UGCG: variants seen among roughly 807,000 people sequenced by gnomAD.
UGCG encodes the protein ceramide glucosyltransferase.
UGCG carries 10 observed loss-of-function variants against 49.5 expected under a neutral mutation model. The ratio of observed to expected loss-of-function variants is 0.20; its 90% CI spans 0.12 to 0.34. UGCG has a LOEUF of 0.34. Ranked by LOEUF, UGCG falls within the 10% of genes least tolerant of loss-of-function variation. The probability of loss-of-function intolerance (pLI) is 1.00; values close to 1 mark genes in which losing one functional copy is unlikely to be tolerated. For synonymous variants in UGCG, 182 were observed against 158.2 expected (o/e 1.15, Z -1.13); for missense variants, 312 against 483.7 (o/e 0.65, Z 3.33).
At chr9:111,900,991 G>A (rs2131712547) in intron 1 of UGCG, among the ~76,000 whole-genome samples, 1 of 152,006 alleles carries the variant, frequency 6.6e-6, no homozygotes, top group East Asian at 1.9e-4. Flanking sequence ...GACTACCGGT[G>A]CATGCCATCA....
chr9:111,934,358 T>A lies in UGCG; in HGVS notation c.*1361T>A, dbSNP rs1346464030. 6.6e-6 allele frequency: 1 copy of A among 151,498 alleles called. No homozygotes were observed. The highest frequency in any genetic ancestry group is 1.5e-5 in the Non-Finnish European group (1 of 67,886). 9.4% of individuals were successfully genotyped at this position (151,498 alleles called of 1,614,324 possible). A position where few individuals can be genotyped will look rare whatever the true frequency, so the allele number is the denominator to read the frequency against. ...CTTGATTCTGTTTTGTTTTGTTTTT[T>A]TAAAAAAAAAAAACAAAAATGTAAG... On this transcript the variant is annotated 3_prime_UTR_variant, in exon 9 of 9. Coordinates refer to ENST00000374279, the MANE Select transcript of UGCG (RefSeq NM_003358.3).
intron 1 of UGCG, among the ~76,000 whole-genome samples, chr9:111,911,432 T>C (rs1837992387): frequency 6.6e-6 from 1 of 152,110 alleles, no homozygotes; most frequent in African/African-American, 2.4e-5. Context: ...ATACCATAAA[T>C]GTGTGTATAT....
intron 5 of UGCG, among the ~76,000 whole-genome samples, chr9:111,927,620 T>A (rs1224696949): frequency 6.6e-6 from 1 of 152,036 alleles, no homozygotes; most frequent in African/African-American, 2.4e-5. Context: ...CCTGGCTAAT[T>A]TTTTGTATTT....
Position 111,929,674 on chromosome 9 carries a change from G to C in UGCG, c.733G>C (p.Asp245His). The change falls in exon 6 of 9, where the codon GAC becomes CAC. Residue 245 changes from aspartate to histidine, a missense_variant. Transcript: ENST00000374279. ...EDYFMAKAIA[D>H]RGWRFAMSTQ... ...TTACTTTATGGCCAAAGCGATAGCT[G>C]ACCGGTAAGACAACTAAATGAAGCC... 6.2e-7 allele frequency: 1 copy of C among 1,612,178 alleles called. No individual in the cohort carries two copies. The highest frequency in any genetic ancestry group is 8.5e-7 in the Non-Finnish European group (1 of 1,179,538).
intron 1 of UGCG, among the ~76,000 whole-genome samples, chr9:111,913,048 C>G (rs1838044987): frequency 2.0e-5 from 3 of 152,172 alleles, no homozygotes; most frequent in Admixed American, 2.0e-4. Flanking sequence ...AGAAGTCTTT[C>G]CCAGTTTAAT....
chr9:111,933,676 C>G lies in UGCG; in HGVS notation c.*679C>G, dbSNP rs529757766. On this transcript the variant is annotated 3_prime_UTR_variant, in exon 9 of 9. Transcript: ENST00000374279. Reference sequence around the variant, plus strand: ...ATTTTTTTGGTCTCACTGCAATGAACCAAAAGCGGCTGAGTTTGGTTTTTA... The same window carrying G: ...ATTTTTTTGGTCTCACTGCAATGAAGCAAAAGCGGCTGAGTTTGGTTTTTA... 6.6e-6 allele frequency: 1 copy of G among 152,246 alleles called. No individual in the cohort carries two copies. The highest frequency in any genetic ancestry group is 2.1e-4 in the South Asian group (1 of 4,826). 9.4% of individuals were successfully genotyped at this position (152,246 alleles called of 1,614,324 possible). A position where few individuals can be genotyped will look rare whatever the true frequency, so the allele number is the denominator to read the frequency against.
chr9:111,904,969 A>T (rs759892951), intron 1 of UGCG, among the ~76,000 whole-genome samples: 3 of 152,180 alleles, frequency 2.0e-5, no homozygotes, highest in Non-Finnish European at 2.9e-5. Flanking sequence ...CCACAGAAAA[A>T]TTTTAAAAAA....
rs75817131 is a variant in UGCG at position 111,908,686 on chromosome 9, G to A, written c.99-5919G>A. Among the ~76,000 whole-genome samples the A allele has an allele frequency of 2.0e-3, 302 of 152,340 alleles. 6 individuals carry two copies. The East Asian group carries it at 0.033, about 16-fold the overall frequency. Reference sequence around the variant, plus strand: ...CAGTATAGAACCTAGAAAGCAAGTCGTCTGCCCTAGGCTGAGGGTAGAAAT... The same window carrying A: ...CAGTATAGAACCTAGAAAGCAAGTCATCTGCCCTAGGCTGAGGGTAGAAAT... On this transcript the variant is annotated intron_variant, in intron 1 of 8. Coordinates refer to ENST00000374279, the MANE Select transcript of UGCG (RefSeq NM_003358.3).
intron 5 of UGCG, among the ~76,000 whole-genome samples, chr9:111,927,928 A>G (rs935791550): frequency 2.0e-5 from 3 of 151,964 alleles, no homozygotes; most frequent in Middle Eastern, 3.4e-3. Context: ...ATAGCTTTTC[A>G]TAAAAGTAAT....
In UGCG at chr9:111,933,292, T is replaced by C. The variant is rs1838459895; in HGVS notation, c.*295T>C. ...TTTTTTTAAAATAAATAAATAAATATATATATAGATGCTCTGCAACAAACT... is the reference window on the plus strand; with the variant it reads ...TTTTTTTAAAATAAATAAATAAATACATATATAGATGCTCTGCAACAAACT... On this transcript the variant is annotated 3_prime_UTR_variant, in exon 9 of 9. Coordinates refer to ENST00000374279, the MANE Select transcript of UGCG (RefSeq NM_003358.3). The C allele has an allele frequency of 6.4e-6, 1 of 155,874 alleles. No homozygotes were observed. The highest frequency in any genetic ancestry group is 2.1e-4 in the South Asian group (1 of 4,864). 9.7% of individuals were successfully genotyped at this position (155,874 alleles called of 1,614,324 possible).
intron 1 of UGCG, among the ~76,000 whole-genome samples, chr9:111,908,112 G>C (rs1056819151): frequency 1.3e-5 from 2 of 152,102 alleles, no homozygotes; most frequent in South Asian, 4.1e-4. Flanking sequence ...GTGGTGGGAA[G>C]AGTAGGGCTT....
Position 111,922,914 on chromosome 9 carries a change from T to TG in UGCG, c.308dup (p.Tyr105IlefsTer5). 1 of 1,613,214 alleles carries TG rather than the reference T, an allele frequency of 6.2e-7. No individual in the cohort carries two copies. Among genetic ancestry groups the TG allele is most frequent in the Non-Finnish European group, 8.5e-7 (1 of 1,179,712 alleles). The stretch of plus-strand genomic sequence containing the variant: ...CCATTGATGTATGTAAGAAGCTTCT[T>TG]GGAAAATATCCAAATGTTGATGCTA... On this transcript the variant is annotated frameshift_variant, in exon 3 of 9. Coordinates refer to ENST00000374279, the MANE Select transcript of UGCG (RefSeq NM_003358.3). LOFTEE classifies it high-confidence loss of function.
intron 2 of UGCG, among the ~76,000 whole-genome samples, chr9:111,916,973 C>T (rs1024980734): frequency 1.3e-5 from 2 of 151,236 alleles, no homozygotes; most frequent in South Asian, 2.1e-4. Flanking sequence ...AGTGAGACCC[C>T]CACCTTCAAA....
intron 1 of UGCG, among the ~76,000 whole-genome samples, chr9:111,913,440 TTTC>T (rs916555302): frequency 6.6e-6 from 1 of 152,256 alleles, no homozygotes; most frequent in Admixed American, 6.5e-5. Context: ...GCATTGCTTC[TTTC>T]TTTTTTTTGA....
At chr9:111,897,337 G>C (rs1407001520) in intron 1 of UGCG, 24 bp downstream of exon 1, 1 of 1,536,512 alleles carries the variant, frequency 6.5e-7, no homozygotes. Flanking sequence ...CGCAGGAGGG[G>C]CTCGGGGCAG....
chr9:111,902,150 C>T (rs1837786840), intron 1 of UGCG, among the ~76,000 whole-genome samples: 1 of 152,172 alleles, frequency 6.6e-6, no homozygotes, highest in Admixed American at 6.5e-5. Context: ...TTAACTCCTA[C>T]TCGTTCAAGT....
chr9:111,928,264 A>G (rs1342516067), intron 5 of UGCG, among the ~76,000 whole-genome samples: 1 of 152,210 alleles, frequency 6.6e-6, no homozygotes, highest in Non-Finnish European at 1.5e-5. Flanking sequence ...GTTAGTCTTA[A>G]ATACCAGAAT....
At chr9:111,922,000 A>G (rs1218253352) in intron 2 of UGCG, among the ~76,000 whole-genome samples, 1 of 151,414 alleles carries the variant, frequency 6.6e-6, no homozygotes, top group Non-Finnish European at 1.5e-5. Context: ...TTTTGTAGAG[A>G]CAGGGCCTCG....
chr9:111,923,939 A>G (rs1838273910), intron 3 of UGCG, among the ~76,000 whole-genome samples: 1 of 152,104 alleles, frequency 6.6e-6, no homozygotes, highest in East Asian at 1.9e-4. Context: ...ACAGTCAGGC[A>G]CCACCACGCT....
Sources: gnomAD v4.1 joint callset for allele counts (sites outside exome capture counted in the v4.1 genomes callset) on GRCh38, gnomAD v4.1.1 for gene constraint, MANE v1.5 for transcripts, NCBI Gene and HGNC (gene_info 2026-07-23, HGNC 2026-07-21) for gene names.